The following FRMD4A variants were observed in gnomAD, a reference collection of about 807,000 sequenced individuals.
FRMD4A encodes the protein FERM domain-containing protein 4A.
A neutral mutation model predicts 129.1 loss-of-function variants in FRMD4A; 29 were observed. The observed-to-expected ratio is 0.22, with a 90% CI of 0.17 to 0.31. The LOEUF (loss-of-function observed/expected upper bound fraction) is 0.31. Ranked by LOEUF, FRMD4A falls within the 10% of genes least tolerant of loss-of-function variation. The pLI is 1.00. For missense variants in FRMD4A, 1,272 were observed against 1,375.8 expected, an observed-to-expected ratio of 0.92 and a Z score of 1.19; for synonymous variants, 634 against 571.6, an observed-to-expected ratio of 1.11 and a Z score of -1.56.
At chr10:14,170,252 GA>G (rs1841406750) in intron 2 of FRMD4A, among the ~76,000 whole-genome samples, 1 of 152,146 alleles carries the variant, frequency 6.6e-6, no homozygotes, top group Non-Finnish European at 1.5e-5. Flanking sequence ...GACAATTCTT[GA>G]ACTAACTCTA....
intron 6 of FRMD4A, among the ~76,000 whole-genome samples, chr10:13,782,371 T>A (rs771015380): frequency 2.6e-5 from 4 of 151,898 alleles, no homozygotes; most frequent in Non-Finnish European, 5.9e-5. Flanking sequence ...AAAATAAGGT[T>A]AGGAAACATG....
At chr10:14,280,570 C>A (rs1239623064) in intron 2 of FRMD4A, among the ~76,000 whole-genome samples, 1 of 152,190 alleles carries the variant, frequency 6.6e-6, no homozygotes, top group Admixed American at 6.5e-5. Flanking sequence ...CATTCTCAAA[C>A]AGATTCCAAT....
intron 2 of FRMD4A, among the ~76,000 whole-genome samples, chr10:14,197,132 A>G (rs1462977639): frequency 6.6e-6 from 1 of 152,190 alleles, no homozygotes; most frequent in Non-Finnish European, 1.5e-5. Flanking sequence ...TGGGACAAGC[A>G]GCTCAACCCA....
chr10:14,105,818 G>A (rs973978716), intron 2 of FRMD4A, among the ~76,000 whole-genome samples: 1 of 152,006 alleles, frequency 6.6e-6, no homozygotes, highest in Non-Finnish European at 1.5e-5. Flanking sequence ...ACAGTTTCCT[G>A]TAATCTGGAT....
chr10:13,833,508 G>A (rs934242280), intron 3 of FRMD4A, among the ~76,000 whole-genome samples: 4 of 152,296 alleles, frequency 2.6e-5, no homozygotes, highest in Admixed American at 6.5e-5. Flanking sequence ...AGCTCACAGA[G>A]TGGCCACATA....
intron 2 of FRMD4A, among the ~76,000 whole-genome samples, chr10:13,900,540 T>G (rs1046451869): frequency 6.6e-6 from 1 of 152,172 alleles, no homozygotes; most frequent in African/African-American, 2.4e-5. Flanking sequence ...CTAAGTATAC[T>G]CAAGTACCTT....
At chr10:14,235,181 G>T (rs950979814) in intron 2 of FRMD4A, among the ~76,000 whole-genome samples, 6 of 150,090 alleles carry the variant, frequency 4.0e-5, no homozygotes, top group Non-Finnish European at 7.4e-5. Context: ...ACGGAGTCTT[G>T]CTCTGTCGCC....
chr10:13,997,653 T>G (rs2095627645), intron 2 of FRMD4A, among the ~76,000 whole-genome samples: 1 of 151,130 alleles, frequency 6.6e-6, no homozygotes, highest in Non-Finnish European at 1.5e-5. Context: ...GATAATATCT[T>G]ATTCTGTCAC....
intron 3 of FRMD4A, among the ~76,000 whole-genome samples, chr10:13,841,836 A>G (rs532308753): frequency 2.0e-5 from 3 of 152,200 alleles, no homozygotes; most frequent in African/African-American, 7.2e-5. Context: ...GAACCCTCAT[A>G]TTTGCAGCCA....
intron 2 of FRMD4A, among the ~76,000 whole-genome samples, chr10:13,945,431 C>T (rs1328277938): frequency 3.9e-5 from 6 of 152,254 alleles, no homozygotes; most frequent in Admixed American, 3.9e-4. Context: ...AACCAGAATG[C>T]TATCAAATCC....
intron 2 of FRMD4A, among the ~76,000 whole-genome samples, chr10:13,956,181 C>T (rs2095409069): frequency 2.0e-5 from 3 of 152,026 alleles, no homozygotes; most frequent in Non-Finnish European, 4.4e-5. Flanking sequence ...TAGACAGAGT[C>T]TCACTCTGTC....
In FRMD4A at chr10:13,654,452, G is replaced by T. The variant is rs1484738135; in HGVS notation, c.3014C>A (p.Pro1005Gln). The T allele has an allele frequency of 6.2e-7, 1 of 1,609,720 alleles. No homozygotes were observed. Among genetic ancestry groups the T allele is most frequent in the Non-Finnish European group, 8.5e-7 (1 of 1,176,188 alleles). Residue 1005 changes from proline to glutamine, a missense_variant, in exon 23 of 25, where the codon CCA (proline) becomes CAA (glutamine). By Grantham distance (76) the Pro-to-Gln change is moderately conservative. Transcript: ENST00000357447. ...TPSSEIGATP[P>Q]SSPHHILTWQ... Reference sequence around the variant, plus strand: ...GGTTAGGATGTGGTGGGGGCTGCTTGGGGGGGTGGCTCCAATTTCACTTGA... The same window carrying T: ...GGTTAGGATGTGGTGGGGGCTGCTTTGGGGGGTGGCTCCAATTTCACTTGA...
Position 14,293,422 on chromosome 10 carries a change from T to C in FRMD4A, c.45+36636A>G, listed in dbSNP as rs79560347. 8.2e-3 allele frequency among the ~76,000 whole-genome samples: 1,250 copies of C among 152,354 alleles called. 11 individuals carry two copies. Among genetic ancestry groups the C allele is most frequent in the East Asian group, 0.039 (202 of 5,190 alleles). On this transcript the variant is annotated intron_variant, in intron 2 of 24. Coordinates refer to ENST00000357447, the MANE Select transcript of FRMD4A (RefSeq NM_018027.5). ...TATTGCTTACACCCAGTCTCATTTA[T>C]TTTGTTATAGCAACACAAAATGGAC...
chr10:14,018,590 C>G (rs1032397084), intron 2 of FRMD4A, among the ~76,000 whole-genome samples: 1 of 151,868 alleles, frequency 6.6e-6, no homozygotes, highest in African/African-American at 2.4e-5. Flanking sequence ...GGAAGTGACA[C>G]CATCCAATCT....
In FRMD4A at chr10:14,048,805, T is replaced by C. The variant is rs187118551; in HGVS notation, c.46-189893A>G. On this transcript the variant is annotated intron_variant, in intron 2 of 24. Transcript: ENST00000357447. ...TGGGTGACAGAGCGAGACTCTTGTC[T>C]CAAATAAAATAGAATAGATTAGAAT... is the stretch of plus-strand genomic sequence containing the variant. Among the ~76,000 whole-genome samples the C allele has an allele frequency of 9.4e-5, 14 of 148,672 alleles. No homozygotes were observed. The East Asian group carries it at 2.7e-3, about 29-fold the overall frequency.
chr10:14,321,755 C>A (rs183232226), intron 2 of FRMD4A, among the ~76,000 whole-genome samples: 44 of 152,288 alleles, frequency 2.9e-4, no homozygotes, highest in Non-Finnish European at 1.5e-4. Flanking sequence ...AGAGGCCCTG[C>A]AGGTAGCCCA....
At chr10:14,161,786 T>G (rs537968803) in intron 2 of FRMD4A, among the ~76,000 whole-genome samples, 3 of 152,266 alleles carry the variant, frequency 2.0e-5, no homozygotes, top group Non-Finnish European at 4.4e-5. Flanking sequence ...AACATTATAT[T>G]TTTGAAAATA....
intron 2 of FRMD4A, among the ~76,000 whole-genome samples, chr10:14,064,107 A>G (rs912630536): frequency 1.1e-4 from 16 of 152,214 alleles, no homozygotes; most frequent in African/African-American, 3.6e-4. Flanking sequence ...GTGCTCACCA[A>G]TGGAATTCCA....
chr10:14,127,956 TTCTTTCTTTCTTTCTTTCTTTCCTTCTC>T (rs1175303446), intron 2 of FRMD4A, among the ~76,000 whole-genome samples: 8 of 27,562 alleles, frequency 2.9e-4, no homozygotes, highest in African/African-American at 1.6e-3. Context: ...CTTTCTTTCT[TTCTTTCTTTCTTTCTTTCTTTCCTTCTC>T]TCTCTCTCTC....
Sources: gnomAD v4.1 joint callset for allele counts (sites outside exome capture counted in the v4.1 genomes callset) on GRCh38, gnomAD v4.1.1 for gene constraint, MANE v1.5 for transcripts, NCBI Gene and HGNC (gene_info 2026-07-23, HGNC 2026-07-21) for gene names.